The following COL2A1 variants were observed in gnomAD, a reference collection of about 807,000 sequenced individuals.
COL2A1 encodes the protein collagen type II alpha 1 chain, also known as collagen alpha-1(II) chain.
A neutral mutation model predicts 204.5 loss-of-function variants in COL2A1; 28 were observed. The ratio of observed to expected loss-of-function variants is 0.14; its 90% CI spans 0.10 to 0.19. The LOEUF (loss-of-function observed/expected upper bound fraction) is 0.19. Ranked by LOEUF, COL2A1 falls within the 10% of genes least tolerant of loss-of-function variation. COL2A1 has a pLI of 1.00. For synonymous variants in COL2A1, 708 were observed against 718.7 expected, an observed-to-expected ratio of 0.99 and a Z score of 0.24; for missense variants, 1,388 against 2,027.5, an observed-to-expected ratio of 0.68 and a Z score of 6.06.
chr12:47,981,544 G>C (rs867064725), intron 36 of COL2A1, 148 bp from the exon 37 acceptor site: 3 of 886,590 alleles, frequency 3.4e-6, no homozygotes, highest in African/African-American at 3.3e-5. Flanking sequence ...GCCCATACCC[G>C]CACCCTCTCG....
chr12:47,979,573 G>A lies in COL2A1; in HGVS notation c.2680-9C>T, dbSNP rs369022247. 862 of 1,611,368 alleles carry A rather than the reference G, an allele frequency of 5.3e-4. No individual in the cohort carries two copies. The highest frequency in any genetic ancestry group is 6.4e-4 in the Non-Finnish European group (750 of 1,178,894). ...GGGAATCCAGTGGCTCCCTGTGTGG[G>A]GAGAGGAGAGCCCCTGAGAACCTCA... is the stretch of plus-strand genomic sequence containing the variant. On this transcript the variant is annotated splice_polypyrimidine_tract_variant and intron_variant, in intron 40 of 53. Coordinates refer to ENST00000380518, the MANE Select transcript of COL2A1 (RefSeq NM_001844.5).
intron 18 of COL2A1, among the ~76,000 whole-genome samples, 173 bp downstream of exon 18, chr12:47,989,055 G>A (rs755430763): frequency 3.9e-5 from 6 of 152,360 alleles, no homozygotes; most frequent in East Asian, 1.9e-4. Context: ...AGGTGAGACT[G>A]CGAGTGTCTG....
At chr12:47,990,552 A>C (rs1453709158) in intron 16 of COL2A1, among the ~76,000 whole-genome samples, 1 of 152,184 alleles carries the variant, frequency 6.6e-6, no homozygotes, top group Non-Finnish European at 1.5e-5. Flanking sequence ...GGTTGACTCC[A>C]GGTTGCCTCT....
At chr12:47,984,215 G>T in intron 28 of COL2A1, 75 bp from the exon 29 acceptor site, 1 of 1,400,306 alleles carries the variant, frequency 7.1e-7, no homozygotes, top group Non-Finnish European at 1.0e-6. Flanking sequence ...ATTGGGCAAA[G>T]GTACTTCTGG....
rs1289933199 is a variant in COL2A1 at position 47,985,016 on chromosome 12, G to A, written c.1812C>T (p.Phe604=). ...TTACGTTGGCACCTTTGGGGCCAGGGAAACCCATGACACCAGGCTGCCCAC... is the reference window on the plus strand; with the variant it reads ...TTACGTTGGCACCTTTGGGGCCAGGAAAACCCATGACACCAGGCTGCCCAC... ...GARGQPGVMG[F]PGPKGANGEP... is the part of the protein sequence containing the mutation. The change falls in exon 27 of 54, where the codon TTC becomes TTT. Residue 604 remains phenylalanine (F), a synonymous_variant. Coordinates refer to ENST00000380518, the MANE Select transcript of COL2A1 (RefSeq NM_001844.5). The A allele has an allele frequency of 1.2e-6, 2 of 1,614,008 alleles. No individual in the cohort carries two copies. Among genetic ancestry groups the A allele is most frequent in the Non-Finnish European group, 1.7e-6 (2 of 1,180,002 alleles).
Position 47,993,450 on chromosome 12 carries a change from A to T in COL2A1, c.969+8T>A. ...TGATAAACCTTCCTGGAGGGTGTCC[A>T]TACTTACCATTGGGCCCGGAGATCC... On this transcript the variant is annotated splice_region_variant and intron_variant, in intron 15 of 53. Transcript: ENST00000380518. The T allele has an allele frequency of 2.5e-6, 4 of 1,609,346 alleles. No homozygotes were observed. The highest frequency in any genetic ancestry group is 3.4e-6 in the Non-Finnish European group (4 of 1,175,630).
At chr12:47,982,079 A>G (rs1187228125) in intron 35 of COL2A1, 28 bp downstream of exon 35, 1 of 1,609,128 alleles carries the variant, frequency 6.2e-7, no homozygotes, top group South Asian at 1.1e-5. Context: ...CCTAATGCCC[A>G]GCAGTCCAGC....
rs1223923259 is a variant in COL2A1, at chr12:47,976,780, T to C, written c.3435+32A>G. On this transcript the variant is annotated intron_variant, in intron 48 of 53. Coordinates refer to ENST00000380518, the MANE Select transcript of COL2A1 (RefSeq NM_001844.5). This position sits in a 1 kb window ranked among gnomAD's most constrained non-coding sequence, Gnocchi z 4.3. Reference sequence around the variant, plus strand: ...AGTGGGCTCTGTGTGGCAGGAGGCCTCGGGAAGTCCCACGCAGGCAGTGAC... The same window carrying C: ...AGTGGGCTCTGTGTGGCAGGAGGCCCCGGGAAGTCCCACGCAGGCAGTGAC... 3 of 1,588,102 alleles carry C rather than the reference T, an allele frequency of 1.9e-6. No homozygotes were observed. Among genetic ancestry groups the C allele is most frequent in the African/African-American group, 1.3e-5 (1 of 74,426 alleles).
Position 47,987,351 on chromosome 12 carries a change from T to C in COL2A1, c.1222-38A>G, listed in dbSNP as rs1465039719. On this transcript the variant is annotated intron_variant, in intron 19 of 53. Coordinates refer to ENST00000380518, the MANE Select transcript of COL2A1 (RefSeq NM_001844.5). This position sits in a 1 kb window ranked among gnomAD's most constrained non-coding sequence, Gnocchi z 4.1. ...ACATTGTCAAATAAGCAGCAAAGAATGAACCCCAACCACCTCCAGCCCTCC... is the reference window on the plus strand; with the variant it reads ...ACATTGTCAAATAAGCAGCAAAGAACGAACCCCAACCACCTCCAGCCCTCC... 1 of 1,611,378 alleles carries C rather than the reference T, an allele frequency of 6.2e-7. No homozygotes were observed. The highest frequency in any genetic ancestry group is 8.5e-7 in the Non-Finnish European group (1 of 1,177,954).
At chr12:47,988,174 C>T (rs1280450380) in intron 18 of COL2A1, among the ~76,000 whole-genome samples, 1 of 152,210 alleles carries the variant, frequency 6.6e-6, no homozygotes, top group Admixed American at 6.5e-5. Flanking sequence ...AGCACCACCT[C>T]ACTCCCATCT....
Position 47,995,316 on chromosome 12 carries a change from C to G in COL2A1, c.709-8G>C. ...ACGGGGACCCATGGGACCCTACAAA[C>G]AAAGGAAGATAGTTTAAGAGATGGT... On this transcript the variant is annotated splice_polypyrimidine_tract_variant and splice_region_variant and intron_variant, in intron 10 of 53. Transcript: ENST00000380518. The G allele has an allele frequency of 1.2e-6, 2 of 1,612,472 alleles. No individual in the cohort carries two copies. The highest frequency in any genetic ancestry group is 1.7e-6 in the Non-Finnish European group (2 of 1,178,486).
chr12:47,985,130 T>C lies in COL2A1; in HGVS notation c.1735-37A>G. On this transcript the variant is annotated intron_variant, in intron 26 of 53. Transcript: ENST00000380518. ...AACACCATTCTCAGAACATAGACACTCTGACCACATCCATCCACCCAACAT... is the reference window on the plus strand; with the variant it reads ...AACACCATTCTCAGAACATAGACACCCTGACCACATCCATCCACCCAACAT... The C allele has an allele frequency of 2.6e-6, 4 of 1,532,830 alleles. No homozygotes were observed. In the South Asian group the frequency reaches 4.5e-5, roughly 17 times the overall value. The allele number at this position is 1,532,830 out of a possible 1,614,324, so 95.0% of individuals were successfully genotyped here. A position where few individuals can be genotyped will look rare whatever the true frequency, so the allele number is the denominator to read the frequency against.
Position 47,976,122 on chromosome 12 carries a change from G to A in COL2A1, c.3490-52C>T, listed in dbSNP as rs1254524413. The A allele has an allele frequency of 7.6e-7, 1 of 1,320,730 alleles. No individual in the cohort carries two copies. The highest frequency in any genetic ancestry group is 2.3e-5 in the East Asian group (1 of 43,552). The allele number at this position is 1,320,730 out of a possible 1,614,324, so 81.8% of individuals were successfully genotyped here. Reference sequence around the variant, plus strand: ...AGAGTGGTCACCACAGGGAAGGCTGGGGAGTCGCTGGGGCTGGGTAGGTGG... The same window carrying A: ...AGAGTGGTCACCACAGGGAAGGCTGAGGAGTCGCTGGGGCTGGGTAGGTGG... On this transcript the variant is annotated intron_variant, in intron 49 of 53. Transcript: ENST00000380518. This position sits in a 1 kb window ranked among gnomAD's most constrained non-coding sequence, Gnocchi z 4.3.
chr12:48,000,535 C>A (rs771838655), intron 1 of COL2A1, among the ~76,000 whole-genome samples: 5 of 152,078 alleles, frequency 3.3e-5, no homozygotes, highest in Non-Finnish European at 5.9e-5. Context: ...AGAAAGGAGA[C>A]AGAAAAATGG....
At position 47,976,378 on chromosome 12, in the gene COL2A1, A is replaced by G; in HGVS notation, c.3489+136T>C. 1.0e-6 allele frequency: 1 copy of G among 982,618 alleles called. No individual in the cohort carries two copies. Among genetic ancestry groups the G allele is most frequent in the Non-Finnish European group, 1.6e-6 (1 of 621,182 alleles). 60.9% of individuals were successfully genotyped at this position (982,618 alleles called of 1,614,324 possible). On this transcript the variant is annotated intron_variant, in intron 49 of 53. Transcript: ENST00000380518. The surrounding 1 kb of genome is among the most constrained non-coding windows in gnomAD (Gnocchi z 4.3). ...TTTTCTGGCCATAGGCACATGAGCC[A>G]GTCCTGCCCCCATTACTGAGTGAGG... is the stretch of plus-strand genomic sequence containing the variant.
Position 47,980,117 on chromosome 12 carries a change from CT to C in COL2A1, c.2626-56del, listed in dbSNP as rs1439884153. 4.8e-6 allele frequency: 7 copies of C among 1,466,760 alleles called. No individual in the cohort carries two copies. In the African/African-American group the frequency reaches 9.8e-5, roughly 21 times the overall value. 90.9% of individuals were successfully genotyped at this position (1,466,760 alleles called of 1,614,324 possible). ...CCAGTGGCCCAAGGAAGACGGTGGG[CT>C]TCTGTCTGAGCCCCAACAATGGACC... is the stretch of plus-strand genomic sequence containing the variant. On this transcript the variant is annotated intron_variant, in intron 39 of 53. Coordinates refer to ENST00000380518, the MANE Select transcript of COL2A1 (RefSeq NM_001844.5). The surrounding 1 kb of genome is among the most constrained non-coding windows in gnomAD (Gnocchi z 4.5).
intron 16 of COL2A1, among the ~76,000 whole-genome samples, chr12:47,991,018 G>A (rs1347511503): frequency 6.6e-6 from 1 of 152,232 alleles, no homozygotes; most frequent in African/African-American, 2.4e-5. Context: ...CTTCCTGGCT[G>A]GGGTCCATTT....
Position 47,978,421 on chromosome 12 carries a change from T to A in COL2A1, c.2896-23A>T, listed in dbSNP as rs762215112. ...ACCCTGAGAGAGGAGAGGCAGGAGA[T>A]GAGAACTGACAGTGGCCCAGCCTCT... On this transcript the variant is annotated intron_variant, in intron 42 of 53. Transcript: ENST00000380518. The surrounding 1 kb of genome is among the most constrained non-coding windows in gnomAD (Gnocchi z 5.5). The A allele has an allele frequency of 6.2e-7, 1 of 1,610,444 alleles. No homozygotes were observed. The highest frequency in any genetic ancestry group is 2.2e-5 in the East Asian group (1 of 44,716).
intron 37 of COL2A1, 76 bp from the exon 38 acceptor site, chr12:47,981,044 T>TGGA: frequency 7.1e-7 from 1 of 1,413,756 alleles, no homozygotes; most frequent in Non-Finnish European, 9.7e-7. Flanking sequence ...AAGAGCCCCT[T>TGGA]GGGCCCTGCC....
Sources: allele counts gnomAD v4.1 joint callset (sites outside exome capture counted in the v4.1 genomes callset), GRCh38; gene constraint gnomAD v4.1.1; non-coding constraint Gnocchi (gnomAD v3.1); transcripts MANE v1.5; gene names NCBI Gene and HGNC (gene_info 2026-07-23, HGNC 2026-07-21).